VDAC3: variants seen among roughly 807,000 people sequenced by gnomAD.
VDAC3 encodes the protein voltage dependent anion channel 3.
In VDAC3, 7 loss-of-function variants were observed where a neutral mutation model predicts 33.9. The ratio of observed to expected loss-of-function variants is 0.21; its 90% CI spans 0.12 to 0.39. The LOEUF (loss-of-function observed/expected upper bound fraction) is 0.39, where lower values mean the gene tolerates loss of function less well. Among genes scored for constraint, VDAC3 ranks in the 10% least tolerant of loss-of-function variants. VDAC3 has a pLI of 1.00. For synonymous variants in VDAC3, 100 were observed against 122.4 expected (o/e 0.82, Z 1.21); for missense variants, 261 against 334.5 (o/e 0.78, Z 1.71).
chr8:42,397,649 G>GTATTT (rs746174381), intron 4 of VDAC3: 10 of 152,242 alleles, frequency 6.6e-5, no homozygotes, highest in South Asian at 2.1e-4. Context: ...GGCAAAGGAT[G>GTATTT]TATTTTATTT....
intron 7 of VDAC3, among the ~76,000 whole-genome samples, chr8:42,402,340 T>A (rs950763245): frequency 1.3e-5 from 2 of 152,222 alleles, no homozygotes; most frequent in African/African-American, 4.8e-5. Flanking sequence ...CTGCTTCCTC[T>A]GCTGCCCTCT....
chr8:42,403,297 A>T lies in VDAC3; in HGVS notation c.552-14A>T. 2 of 1,613,612 alleles carry T rather than the reference A, an allele frequency of 1.2e-6. No homozygotes were observed. Among genetic ancestry groups the T allele is most frequent in the Non-Finnish European group, 1.7e-6 (2 of 1,179,896 alleles). On this transcript the variant is annotated splice_polypyrimidine_tract_variant and intron_variant, in intron 7 of 9. Transcript: ENST00000022615. ...AACTAGATATTTATGACGTTTTCTT[A>T]TCTATGAAAACAGGAACGATGGCAC...
intron 7 of VDAC3, 131 bp from the exon 8 acceptor site, chr8:42,403,180 G>T: frequency 9.8e-7 from 1 of 1,021,218 alleles, no homozygotes. Context: ...AGTCATTTAT[G>T]CTAGAAATTT....
At chr8:42,404,455 G>A (rs1035282668) in intron 8 of VDAC3, among the ~76,000 whole-genome samples, 1 of 152,134 alleles carries the variant, frequency 6.6e-6, no homozygotes, top group African/African-American at 2.4e-5. Context: ...TGGGCACGGT[G>A]GGTCACGCCT....
intron 4 of VDAC3, among the ~76,000 whole-genome samples, chr8:42,395,655 A>G (rs1348241153): frequency 1.3e-5 from 2 of 152,164 alleles, no homozygotes; most frequent in South Asian, 2.1e-4. Flanking sequence ...CATATTTTCA[A>G]AGTATCATTA....
intron 6 of VDAC3, among the ~76,000 whole-genome samples, chr8:42,400,112 C>T (rs1485901992): frequency 6.6e-6 from 1 of 152,014 alleles, no homozygotes; most frequent in Admixed American, 6.5e-5. Context: ...CCGAGATGGG[C>T]GGATCATGAG....
intron 4 of VDAC3, chr8:42,396,869 C>T (rs991419415): frequency 1.1e-5 from 6 of 558,530 alleles, no homozygotes; most frequent in Non-Finnish European, 1.6e-5. Context: ...TAATGTAGAG[C>T]TATATGCATG....
At chr8:42,400,043 G>C (rs1463906096) in intron 6 of VDAC3, among the ~76,000 whole-genome samples, 1 of 152,184 alleles carries the variant, frequency 6.6e-6, no homozygotes, top group Non-Finnish European at 1.5e-5. Flanking sequence ...TGCTGAGAAA[G>C]TTAATTCCTT....
intron 4 of VDAC3, among the ~76,000 whole-genome samples, chr8:42,398,108 A>G (rs1802349719): frequency 6.6e-6 from 1 of 152,230 alleles, no homozygotes; most frequent in Non-Finnish European, 1.5e-5. Context: ...TGAAAGTAAA[A>G]TGTTTAAGAT....
chr8:42,400,732 C>T (rs974646735), intron 6 of VDAC3, among the ~76,000 whole-genome samples: 1 of 117,494 alleles, frequency 8.5e-6, no homozygotes, highest in South Asian at 2.9e-4. Flanking sequence ...GTGGCACTAT[C>T]TCAGCTCACT....
At chr8:42,403,050 T>C (rs1802444486) in intron 7 of VDAC3, 4 of 449,726 alleles carry the variant, frequency 8.9e-6, no homozygotes, top group African/African-American at 4.1e-5. Context: ...TTGTGCTTAA[T>C]TGAATTGTCT....
Position 42,396,208 on chromosome 8 carries a change from A to G in VDAC3, c.117+1075A>G, listed in dbSNP as rs192915467. On this transcript the variant is annotated intron_variant, in intron 4 of 9. Transcript: ENST00000022615. The stretch of plus-strand genomic sequence containing the variant: ...AGGAGGCAGAGGTTGCAGTGAGCAG[A>G]GATCGTGCCACTGTACTCCATCCAG... Among the ~76,000 whole-genome samples the G allele has an allele frequency of 3.0e-3, 460 of 152,272 alleles. 1 individual carries two copies. The highest frequency in any genetic ancestry group is 0.011 in the African/African-American group (443 of 41,564).
At chr8:42,401,362 A>T (rs935092913) in intron 6 of VDAC3, among the ~76,000 whole-genome samples, 3 of 151,926 alleles carry the variant, frequency 2.0e-5, no homozygotes, top group Non-Finnish European at 4.4e-5. Context: ...ACGCCCAGCT[A>T]ATTTTTGTAT....
At chr8:42,397,969 A>T (rs1035138849) in intron 4 of VDAC3, among the ~76,000 whole-genome samples, 9 of 152,202 alleles carry the variant, frequency 5.9e-5, no homozygotes, top group African/African-American at 9.6e-5. Flanking sequence ...AAACATTTTT[A>T]AAAGGAAGTA....
chr8:42,397,217 T>C (rs1436048047), intron 4 of VDAC3: 5 of 152,610 alleles, frequency 3.3e-5, no homozygotes, highest in African/African-American at 1.2e-4. Flanking sequence ...AAAAGAAAAA[T>C]GATTGTCACG....
chr8:42,405,251 T>A, intron 9 of VDAC3, 120 bp from the exon 10 acceptor site: 1 of 764,532 alleles, frequency 1.3e-6, no homozygotes, highest in Non-Finnish European at 2.2e-6. Context: ...AATAGCTGTT[T>A]GCTTATAGCT....
chr8:42,392,512 T>C (rs1824888364), intron 1 of VDAC3, among the ~76,000 whole-genome samples: 1 of 152,174 alleles, frequency 6.6e-6, no homozygotes, highest in South Asian at 2.1e-4. Context: ...GAACATGAAG[T>C]TTCTGTTGTT....
At chr8:42,399,386 T>C (rs1585950639) in intron 5 of VDAC3, among the ~76,000 whole-genome samples, 1 of 152,200 alleles carries the variant, frequency 6.6e-6, no homozygotes, top group Non-Finnish European at 1.5e-5. Flanking sequence ...TTTTGTTGTA[T>C]GGGAATTCTG....
intron 6 of VDAC3, among the ~76,000 whole-genome samples, chr8:42,400,673 CTTTT>C (rs1188886241): frequency 2.8e-5 from 2 of 72,318 alleles, no homozygotes; most frequent in African/African-American, 1.2e-4. Flanking sequence ...ATATTCTTTT[CTTTT>C]TTTTTTTTTT....
Sources: gnomAD v4.1 joint callset for allele counts (sites outside exome capture counted in the v4.1 genomes callset) on GRCh38, gnomAD v4.1.1 for gene constraint, MANE v1.5 for transcripts, NCBI Gene and HGNC (gene_info 2026-07-23, HGNC 2026-07-21) for gene names.